XKR6: variants seen among roughly 807,000 people sequenced by gnomAD.
XKR6 encodes XK related 6.
A neutral mutation model predicts 56.7 loss-of-function variants in XKR6; 22 were observed. The ratio of observed to expected loss-of-function variants is 0.39; its 90% CI spans 0.28 to 0.55. The LOEUF (loss-of-function observed/expected upper bound fraction) is 0.55. Ranked by LOEUF, XKR6 falls within the 20% of genes least tolerant of loss-of-function variation. The pLI, the probability that XKR6 is intolerant of heterozygous loss-of-function variation, is 0.66. For synonymous variants in XKR6, 524 were observed against 387.8 expected (o/e 1.35, Z -4.13); for missense variants, 852 against 889.0 (o/e 0.96, Z 0.53).
intron 1 of XKR6, among the ~76,000 whole-genome samples, chr8:11,087,447 G>A (rs530158973): frequency 6.6e-5 from 10 of 152,260 alleles, no homozygotes; most frequent in East Asian, 3.9e-4. Context: ...TTAACTTTCC[G>A]CACAGCAACG....
At chr8:10,941,186 G>T (rs1174767517) in intron 1 of XKR6, among the ~76,000 whole-genome samples, 5 of 151,946 alleles carry the variant, frequency 3.3e-5, no homozygotes, top group African/African-American at 7.3e-5. Flanking sequence ...CTTCCTCCGG[G>T]TTCACAGCCT....
chr8:11,037,708 A>C (rs956403417), intron 1 of XKR6, among the ~76,000 whole-genome samples: 1 of 152,170 alleles, frequency 6.6e-6, no homozygotes, highest in African/African-American at 2.4e-5. Flanking sequence ...AAATACAAAA[A>C]TTGGCTGGGC....
At chr8:10,957,616 G>A (rs1487578585) in intron 1 of XKR6, among the ~76,000 whole-genome samples, 2 of 152,210 alleles carry the variant, frequency 1.3e-5, no homozygotes, top group African/African-American at 2.4e-5. Context: ...AGAGGAGACT[G>A]CAGGGCAGAT....
chr8:11,187,483 T>G (rs1170710094), intron 1 of XKR6, among the ~76,000 whole-genome samples: 3 of 152,176 alleles, frequency 2.0e-5, no homozygotes, highest in Admixed American at 6.5e-5. Context: ...CCCACATGAC[T>G]GGCAAAATGG....
chr8:11,109,352 A>C (rs1798801075), intron 1 of XKR6: 1 of 152,206 alleles, frequency 6.6e-6, no homozygotes, highest in Admixed American at 6.5e-5. Flanking sequence ...TTTCCCTAAT[A>C]TCTAATATAC....
chr8:11,142,336 T>TA (rs34866619), intron 1 of XKR6, among the ~76,000 whole-genome samples: 35,037 of 152,058 alleles, frequency 0.23, 4,656 homozygotes, highest in Middle Eastern at 0.3. Context: ...AAGAAAGCTA[T>TA]AAGGGCTTGT....
chr8:11,118,716 T>C (rs1799297842), intron 1 of XKR6, among the ~76,000 whole-genome samples: 1 of 152,224 alleles, frequency 6.6e-6, no homozygotes. Flanking sequence ...TTTATTAGTC[T>C]TGCTAGTGGT....
At chr8:11,179,928 T>G (rs1247317699) in intron 1 of XKR6, among the ~76,000 whole-genome samples, 1 of 150,856 alleles carries the variant, frequency 6.6e-6, no homozygotes, top group Non-Finnish European at 1.5e-5. Context: ...AGCCCAGGAG[T>G]TCAAGACCAG....
At position 11,165,913 on chromosome 8, in the gene XKR6, T is replaced by C. The variant is rs145813554; in HGVS notation, c.764+34663A>G. 3.2e-3 allele frequency among the ~76,000 whole-genome samples: 479 copies of C among 151,942 alleles called. 3 individuals carry two copies. The highest frequency in any genetic ancestry group is 0.011 in the African/African-American group (449 of 41,470). On this transcript the variant is annotated intron_variant, in intron 1 of 2. Coordinates refer to ENST00000416569, the MANE Select transcript of XKR6 (RefSeq NM_173683.4). ...TGAAAAAGCCACGTGCAATGACCAC[T>C]GTTTGATGGATACATTCATGTATAT...
At chr8:10,943,108 G>A (rs2129124229) in intron 1 of XKR6, among the ~76,000 whole-genome samples, 1 of 152,328 alleles carries the variant, frequency 6.6e-6, no homozygotes, top group African/African-American at 2.4e-5. Flanking sequence ...CTCTGCCCAG[G>A]TCAGAGCCTT....
intron 1 of XKR6, among the ~76,000 whole-genome samples, chr8:10,991,562 C>A (rs1167943381): frequency 2.0e-5 from 3 of 152,088 alleles, no homozygotes; most frequent in Non-Finnish European, 4.4e-5. Flanking sequence ...TAACTTGAGG[C>A]AAAACAACAG....
intron 1 of XKR6, among the ~76,000 whole-genome samples, chr8:11,036,474 G>T (rs1205763880): frequency 6.6e-6 from 1 of 152,196 alleles, no homozygotes; most frequent in South Asian, 2.1e-4. Flanking sequence ...CAGCATCAAT[G>T]GGAGCTTGTT....
At chr8:11,092,906 G>C (rs1381541021) in intron 1 of XKR6, among the ~76,000 whole-genome samples, 1 of 152,222 alleles carries the variant, frequency 6.6e-6, no homozygotes, top group Non-Finnish European at 1.5e-5. Context: ...GGGCCAAGGA[G>C]ACCTGGAGCA....
At chr8:11,142,641 C>T (rs896959436) in intron 1 of XKR6, among the ~76,000 whole-genome samples, 1 of 152,168 alleles carries the variant, frequency 6.6e-6, no homozygotes, top group Admixed American at 6.5e-5. Flanking sequence ...GATGCCTTCT[C>T]CCCCTTCGCC....
At chr8:11,094,006 G>C (rs1798176507) in intron 1 of XKR6, among the ~76,000 whole-genome samples, 1 of 150,430 alleles carries the variant, frequency 6.6e-6, no homozygotes. Flanking sequence ...GGATGGTCTC[G>C]ATCTCCTGAC....
chr8:10,971,485 C>G (rs1802408494), intron 1 of XKR6, among the ~76,000 whole-genome samples: 1 of 151,984 alleles, frequency 6.6e-6, no homozygotes, highest in Non-Finnish European at 1.5e-5. Flanking sequence ...AAATTACGAG[C>G]AGCCTCCATA....
intron 1 of XKR6, among the ~76,000 whole-genome samples, chr8:11,042,847 T>G (rs754593023): frequency 3.9e-4 from 59 of 152,202 alleles, no homozygotes; most frequent in Non-Finnish European, 8.2e-4. Context: ...TTGGCAGAAA[T>G]GGGGAAGGCA....
intron 1 of XKR6, among the ~76,000 whole-genome samples, chr8:11,026,708 A>G (rs1223706267): frequency 6.6e-6 from 1 of 151,760 alleles, no homozygotes; most frequent in African/African-American, 2.4e-5. Flanking sequence ...AGCCTACTAC[A>G]CACCTAGATG....
chr8:10,971,156 T>C (rs1802397335), intron 1 of XKR6, among the ~76,000 whole-genome samples: 2 of 151,736 alleles, frequency 1.3e-5, no homozygotes, highest in African/African-American at 4.8e-5. Flanking sequence ...GCACGGTGGC[T>C]CACGCCTGTA....
Sources: allele counts gnomAD v4.1 joint callset (sites outside exome capture counted in the v4.1 genomes callset), GRCh38; gene constraint gnomAD v4.1.1; transcripts MANE v1.5; gene names NCBI Gene and HGNC (gene_info 2026-07-23, HGNC 2026-07-21).